NLRP4: variants seen among roughly 807,000 people sequenced by gnomAD.
NLRP4 encodes NACHT, LRR and PYD domains-containing protein 4.
A neutral mutation model predicts 84.7 loss-of-function variants in NLRP4; 44 were observed. That is an observed-to-expected ratio of 0.52 (90% CI 0.41 to 0.67). The LOEUF is 0.67. Ranked by LOEUF, NLRP4 falls within the 30% of genes least tolerant of loss-of-function variation. NLRP4 has a pLI of 0.00. For missense variants in NLRP4, 1,260 were observed against 1,219.4 expected, an observed-to-expected ratio of 1.03 and a Z score of -0.50; for synonymous variants, 544 against 476.4, an observed-to-expected ratio of 1.14 and a Z score of -1.85.
intron 1 of NLRP4, among the ~76,000 whole-genome samples, chr19:55,838,173 A>C (rs1323644773): frequency 7.7e-6 from 1 of 129,126 alleles, no homozygotes; most frequent in Admixed American, 7.8e-5. Context: ...GTGGTGGCGC[A>C]TGCCTGTAAT....
rs1231964819 is a variant in NLRP4, at chr19:55,878,800, A to C, written c.2703A>C (p.Glu901Asp). 6.2e-7 allele frequency: 1 copy of C among 1,611,286 alleles called. No individual in the cohort carries two copies. The change falls in exon 9 of 10, where the codon GAA becomes GAC. Residue 901 changes from glutamate (E) to aspartate (D), a missense_variant. By Grantham distance (45) the Glu-to-Asp change is conservative. Transcript: ENST00000301295. ...TDCRLEILGL[E>D]ECGLTSTCCK... ...ATGTGTCTTTTTATTGCAGGTTGGA[A>C]GAATGTGGGTTAACGAGCACCTGCT...
intron 2 of NLRP4, among the ~76,000 whole-genome samples, chr19:55,854,990 C>CT (rs1225742337): frequency 3.1e-4 from 47 of 152,280 alleles, no homozygotes; most frequent in African/African-American, 1.0e-3. Flanking sequence ...TCCCAAAGGG[C>CT]TAGGATTACA....
At chr19:55,879,688 G>C (rs553594754) in intron 9 of NLRP4, among the ~76,000 whole-genome samples, 2 of 152,120 alleles carry the variant, frequency 1.3e-5, no homozygotes, top group Non-Finnish European at 2.9e-5. Context: ...CCTTATTTAT[G>C]TTTGCAGCTC....
chr19:55,861,876 C>T (rs1984770615), intron 4 of NLRP4, 116 bp from the exon 5 acceptor site: 3 of 786,516 alleles, frequency 3.8e-6, no homozygotes, highest in Non-Finnish European at 6.5e-6. Context: ...TGAGCTGTGT[C>T]ATTGGGCTGT....
intron 5 of NLRP4, among the ~76,000 whole-genome samples, chr19:55,863,045 C>T (rs969889570): frequency 6.6e-6 from 1 of 152,194 alleles, no homozygotes; most frequent in Non-Finnish European, 1.5e-5. Flanking sequence ...AAAGCATTCC[C>T]AGCAGGTGTT....
chr19:55,839,676 C>T (rs1242646649), intron 1 of NLRP4, among the ~76,000 whole-genome samples: 1 of 152,094 alleles, frequency 6.6e-6, no homozygotes, highest in African/African-American at 2.4e-5. Context: ...TCTTCTTATT[C>T]ATCAGACTTG....
In NLRP4 at chr19:55,878,809, G is replaced by C; in HGVS notation, c.2712G>C (p.Gly904=). Reference sequence around the variant, plus strand: ...TTTATTGCAGGTTGGAAGAATGTGGGTTAACGAGCACCTGCTGTAAGGATC... The same window carrying C: ...TTTATTGCAGGTTGGAAGAATGTGGCTTAACGAGCACCTGCTGTAAGGATC... ...RLEILGLEEC[G]LTSTCCKDLA... The change falls in exon 9 of 10, where the codon GGG becomes GGC. Residue 904 remains glycine (G), a synonymous_variant. Transcript: ENST00000301295. The C allele has an allele frequency of 6.2e-7, 1 of 1,612,204 alleles. No homozygotes were observed. Among genetic ancestry groups the C allele is most frequent in the Non-Finnish European group, 8.5e-7 (1 of 1,178,902 alleles).
rs907483906 is a variant in NLRP4, at chr19:55,858,889, T to G, written c.1496T>G (p.Leu499Trp). Residue 499 changes from leucine (L) to tryptophan (W), a missense_variant, in exon 3 of 10, where the codon TTG becomes TGG. Leu to Trp is a moderately conservative substitution (Grantham distance 61). This residue lies in a region of NLRP4 where 712 missense variants were observed against 669.2 expected (regional missense o/e 1.06). Transcript: ENST00000301295. The surrounding 1 kb of genome is among the most constrained non-coding windows in gnomAD (Gnocchi z 4.2). ...EKARRAHWIF[L>W]GCFLTGLLNK... ...GCAAGGAGAGCACATTGGATTTTTT[T>G]GGGGTGTTTTCTAACTGGCCTTTTA... 13 of 1,614,070 alleles carry G rather than the reference T, an allele frequency of 8.1e-6. No homozygotes were observed. Among genetic ancestry groups the G allele is most frequent in the East Asian group, 2.2e-5 (1 of 44,900 alleles).
At chr19:55,868,569 C>T (rs1172647518) in intron 6 of NLRP4, among the ~76,000 whole-genome samples, 1 of 145,532 alleles carries the variant, frequency 6.9e-6, no homozygotes, top group East Asian at 2.1e-4. Flanking sequence ...GTGGCATGAT[C>T]TTGGCTTATC....
rs73620690 is a variant in NLRP4 at position 55,836,646 on chromosome 19, C to T, written c.-354C>T. On this transcript the variant is annotated 5_prime_UTR_variant, in exon 1 of 10. Coordinates refer to ENST00000301295, the MANE Select transcript of NLRP4 (RefSeq NM_134444.5). ...ACTTTGGGTCTTCCTTTTCTTTCTC[C>T]CTTTTACCCTGTCTCCTTTCTTGAG... is the stretch of plus-strand genomic sequence containing the variant. 2,968 of 152,574 alleles carry T rather than the reference C, an allele frequency of 0.019. 99 individuals are homozygous for T. Among genetic ancestry groups the T allele is most frequent in the African/African-American group, 0.067 (2,799 of 41,512 alleles). 9.5% of individuals were successfully genotyped at this position (152,574 alleles called of 1,614,324 possible).
At chr19:55,852,586 C>T (rs1325735386) in intron 2 of NLRP4, among the ~76,000 whole-genome samples, 2 of 151,150 alleles carry the variant, frequency 1.3e-5, no homozygotes, top group South Asian at 2.1e-4. Context: ...AAGTGATTCT[C>T]CTGCCTCAGC....
At chr19:55,867,946 C>A in intron 6 of NLRP4, 70 bp downstream of exon 6, 4 of 1,355,272 alleles carry the variant, frequency 3.0e-6, no homozygotes, top group South Asian at 1.3e-5. Flanking sequence ...CTATTGATGA[C>A]AGTCTGCTCA....
At position 55,861,367 on chromosome 19, in the gene NLRP4, C is replaced by A. The variant is rs758024954; in HGVS notation, c.1857-19C>A. Reference sequence around the variant, plus strand: ...GTTGACCGCCTGCCTGTGGAAAGCTCGTCCTTTCTTGACCACAGGTCGGAT... The same window carrying A: ...GTTGACCGCCTGCCTGTGGAAAGCTAGTCCTTTCTTGACCACAGGTCGGAT... On this transcript the variant is annotated intron_variant, in intron 3 of 9. Transcript: ENST00000301295. The A allele has an allele frequency of 6.2e-7, 1 of 1,608,516 alleles. No homozygotes were observed. Among genetic ancestry groups the A allele is most frequent in the African/African-American group, 1.3e-5 (1 of 74,940 alleles).
At chr19:55,878,091 C>A (rs949549844) in intron 8 of NLRP4, among the ~76,000 whole-genome samples, 1 of 152,256 alleles carries the variant, frequency 6.6e-6, no homozygotes, top group South Asian at 2.1e-4. Context: ...ACAGGCTGGG[C>A]AACATGGTAA....
At chr19:55,849,322 G>T (rs563177396) in intron 1 of NLRP4, among the ~76,000 whole-genome samples, 93 of 152,180 alleles carry the variant, frequency 6.1e-4, no homozygotes, top group Non-Finnish European at 1.0e-3. Context: ...TATCTGTTAT[G>T]CTTCCAGGCC....
chr19:55,857,096 A>G (rs1382526147), intron 2 of NLRP4, among the ~76,000 whole-genome samples: 1 of 152,224 alleles, frequency 6.6e-6, no homozygotes, highest in Non-Finnish European at 1.5e-5. Flanking sequence ...AGATTATTCC[A>G]TACTTTTAAT....
intron 1 of NLRP4, among the ~76,000 whole-genome samples, chr19:55,838,955 G>GT (rs57691669): frequency 0.057 from 8,175 of 144,300 alleles, 256 homozygotes; most frequent in Non-Finnish European, 0.065. Flanking sequence ...CACTAAGCCT[G>GT]TTTTTTTTTT....
At chr19:55,856,464 C>T (rs1028241549) in intron 2 of NLRP4, among the ~76,000 whole-genome samples, 4 of 150,526 alleles carry the variant, frequency 2.7e-5, no homozygotes, top group African/African-American at 7.3e-5. Context: ...ATCTTAGCTA[C>T]GAGGGGTTGT....
intron 1 of NLRP4, among the ~76,000 whole-genome samples, chr19:55,849,852 G>T (rs150793177): frequency 2.2e-5 from 2 of 91,468 alleles, no homozygotes; most frequent in Admixed American, 1.3e-4. Context: ...TAATTTCCGA[G>T]ACTGCGGTGT....
Sources: allele counts gnomAD v4.1 joint callset (sites outside exome capture counted in the v4.1 genomes callset), GRCh38; gene constraint gnomAD v4.1.1; regional missense constraint gnomAD v4.1.1; non-coding constraint Gnocchi (gnomAD v3.1); transcripts MANE v1.5; gene names NCBI Gene and HGNC (gene_info 2026-07-23, HGNC 2026-07-21).